The following CRACD variants were observed in gnomAD, a reference collection of about 807,000 sequenced individuals.
CRACD encodes capping protein inhibiting regulator of actin dynamics.
CRACD carries 56 observed loss-of-function variants against 106.8 expected under a neutral mutation model. The observed-to-expected ratio is 0.52, with a 90% confidence interval of 0.42 to 0.66. The LOEUF is 0.66. Among genes scored for constraint, CRACD ranks in the 30% least tolerant of loss-of-function variants. The probability of loss-of-function intolerance (pLI) is 0.00; values close to 1 mark genes in which losing one functional copy is unlikely to be tolerated. For synonymous variants in CRACD, 754 were observed against 670.8 expected (o/e 1.12, Z -1.92); for missense variants, 1,730 against 1,623.2 (o/e 1.07, Z -1.13).
intron 3 of CRACD, among the ~76,000 whole-genome samples, chr4:56,288,201 T>TTC (rs1217764189): frequency 6.6e-6 from 1 of 152,218 alleles, no homozygotes; most frequent in Non-Finnish European, 1.5e-5. Context: ...TTTCCTCCTC[T>TTC]TCTTCTTACC....
At chr4:56,241,631 C>T (rs1190549636) in intron 2 of CRACD, among the ~76,000 whole-genome samples, 1 of 152,144 alleles carries the variant, frequency 6.6e-6, no homozygotes, top group African/African-American at 2.4e-5. Context: ...TCCAGGAGTT[C>T]ATGGTTTAGT....
intron 2 of CRACD, among the ~76,000 whole-genome samples, chr4:56,237,753 CACACACACAAACACAT>C (rs974182903): frequency 9.4e-5 from 14 of 148,608 alleles, no homozygotes; most frequent in African/African-American, 3.3e-4. Flanking sequence ...CACACACACA[CACACACACAAACACAT>C]ACACATACAC....
intron 1 of CRACD, among the ~76,000 whole-genome samples, chr4:56,151,053 A>G (rs984435546): frequency 6.6e-6 from 1 of 152,140 alleles, no homozygotes; most frequent in African/African-American, 2.4e-5. Flanking sequence ...CTGGACTGCA[A>G]TGACATGATC....
chr4:56,218,833 A>T (rs1356540342), intron 2 of CRACD, among the ~76,000 whole-genome samples: 1 of 152,124 alleles, frequency 6.6e-6, no homozygotes, highest in African/African-American at 2.4e-5. Flanking sequence ...AGATGATTGC[A>T]GGAAGAATCT....
intron 10 of CRACD, among the ~76,000 whole-genome samples, chr4:56,326,954 G>A (rs1297112122): frequency 6.8e-6 from 1 of 147,180 alleles, no homozygotes; most frequent in Non-Finnish European, 1.5e-5. Flanking sequence ...TGGCCAGGCT[G>A]GTCTCGAACT....
intron 3 of CRACD, among the ~76,000 whole-genome samples, chr4:56,293,417 A>C (rs932791050): frequency 3.3e-5 from 5 of 152,240 alleles, no homozygotes; most frequent in African/African-American, 1.2e-4. Flanking sequence ...ACTGCTAAAA[A>C]ACAAAGATAA....
At chr4:56,294,666 T>G (rs1173184478) in intron 3 of CRACD, among the ~76,000 whole-genome samples, 1 of 151,794 alleles carries the variant, frequency 6.6e-6, no homozygotes, top group African/African-American at 2.4e-5. Context: ...ATAATCCCAG[T>G]ACTTTGGGAG....
intron 1 of CRACD, among the ~76,000 whole-genome samples, chr4:56,174,299 G>A (rs895502792): frequency 6.6e-6 from 1 of 152,054 alleles, no homozygotes; most frequent in Non-Finnish European, 1.5e-5. Context: ...CTTTGTGTTG[G>A]GAGCATTTCA....
chr4:56,071,865 C>T (rs1189638683), intron 1 of CRACD, among the ~76,000 whole-genome samples: 4 of 151,670 alleles, frequency 2.6e-5, no homozygotes, highest in Admixed American at 6.6e-5. Context: ...CGGTGGCTCA[C>T]GCCTGTAATC....
intron 8 of CRACD, 50 bp downstream of exon 8, chr4:56,316,739 A>AG (rs1368238798): frequency 6.7e-7 from 1 of 1,499,242 alleles, no homozygotes; most frequent in African/African-American, 1.5e-5. Flanking sequence ...TGTCAGAGCC[A>AG]GGGCATCAAG....
intron 3 of CRACD, among the ~76,000 whole-genome samples, chr4:56,276,682 C>T (rs1332705602): frequency 6.6e-6 from 1 of 152,200 alleles, no homozygotes; most frequent in African/African-American, 2.4e-5. Context: ...TAAACATCCA[C>T]TACTGTGCCT....
At chr4:56,180,803 G>A (rs942204956) in intron 2 of CRACD, among the ~76,000 whole-genome samples, 1 of 152,148 alleles carries the variant, frequency 6.6e-6, no homozygotes, top group South Asian at 2.1e-4. Flanking sequence ...TACCTCTACC[G>A]TGAGAGTTCT....
rs138036448 is a variant in CRACD at position 56,251,210 on chromosome 4, G to A, written c.-188-21111G>A. ...ACCGCCTGAGTCTTCTGGTCTCAGC[G>A]CCTGCCTGGTCAAGTGTGTAGACAT... is the stretch of plus-strand genomic sequence containing the variant. On this transcript the variant is annotated intron_variant, in intron 2 of 10. Transcript: ENST00000682029. 9.9e-5 allele frequency among the ~76,000 whole-genome samples: 15 copies of A among 152,250 alleles called. No homozygotes were observed. The South Asian group carries it at 1.5e-3, about 15-fold the overall frequency.
chr4:56,156,281 G>C (rs376455869), intron 1 of CRACD, among the ~76,000 whole-genome samples: 3 of 152,276 alleles, frequency 2.0e-5, no homozygotes, highest in South Asian at 4.2e-4. Flanking sequence ...CACTTTAAAA[G>C]TCCCACTCAC....
Position 56,273,966 on chromosome 4 carries a change from A to G in CRACD, c.-17+1474A>G, listed in dbSNP as rs558349407. ...AACACTGCTGTTGTGTCTAAATTACAAAACCCTCAGACCAGTGGTACACAT... is the reference window on the plus strand; with the variant it reads ...AACACTGCTGTTGTGTCTAAATTACGAAACCCTCAGACCAGTGGTACACAT... On this transcript the variant is annotated intron_variant, in intron 3 of 10. Transcript: ENST00000682029. Among the ~76,000 whole-genome samples the G allele has an allele frequency of 1.1e-4, 16 of 152,376 alleles. No individual in the cohort carries two copies. In the South Asian group the frequency reaches 3.3e-3, roughly 32 times the overall value.
At chr4:56,267,106 A>G (rs1742065418) in intron 2 of CRACD, among the ~76,000 whole-genome samples, 1 of 148,202 alleles carries the variant, frequency 6.7e-6, no homozygotes, top group South Asian at 2.2e-4. Flanking sequence ...CATTAAATAC[A>G]CTTTTAAATT....
intron 1 of CRACD, among the ~76,000 whole-genome samples, chr4:56,073,306 C>T (rs11721368): frequency 0.35 from 52,951 of 151,966 alleles, 9,793 homozygotes; most frequent in African/African-American, 0.48. Flanking sequence ...TTCTAACTGG[C>T]GTGAAATAGT....
At chr4:56,186,048 G>T (rs1443538535) in intron 2 of CRACD, among the ~76,000 whole-genome samples, 2 of 152,158 alleles carry the variant, frequency 1.3e-5, no homozygotes, top group African/African-American at 4.8e-5. Context: ...GAGGGCTCTG[G>T]GATGCAGACA....
At chr4:56,257,406 T>C (rs9761168) in intron 2 of CRACD, among the ~76,000 whole-genome samples, 13,554 of 151,570 alleles carry the variant, frequency 0.089, 1,844 homozygotes, top group East Asian at 0.62. Flanking sequence ...AATGGCCCTG[T>C]GGGCTGGGTG....
Sources: allele counts gnomAD v4.1 joint callset (sites outside exome capture counted in the v4.1 genomes callset), GRCh38; gene constraint gnomAD v4.1.1; transcripts MANE v1.5; gene names NCBI Gene and HGNC (gene_info 2026-07-23, HGNC 2026-07-21).